The following DENND4A variants were observed in gnomAD, a reference collection of about 807,000 sequenced individuals.
DENND4A encodes the protein C-myc promoter-binding protein.
DENND4A carries 70 observed loss-of-function variants against 199.3 expected under a neutral mutation model. The ratio of observed to expected loss-of-function variants is 0.35; its 90% CI spans 0.29 to 0.43. The LOEUF (loss-of-function observed/expected upper bound fraction) is 0.43. DENND4A is among the 20% of genes least tolerant of loss of function. The pLI, the probability that DENND4A is intolerant of heterozygous loss-of-function variation, is 1.00. For missense variants in DENND4A, 1,723 were observed against 2,255.8 expected (o/e 0.76, Z 4.78); for synonymous variants, 686 against 766.9 (o/e 0.89, Z 1.74).
At chr15:65,791,304 C>T (rs543438934) in intron 1 of DENND4A, among the ~76,000 whole-genome samples, 1 of 152,358 alleles carries the variant, frequency 6.6e-6, no homozygotes, top group East Asian at 1.9e-4. Flanking sequence ...TCTTCCAGCA[C>T]ATCTGTCATT....
rs1026882032 is a variant in DENND4A, at chr15:65,734,492, T to G, written c.1041-1674A>C. ...GAGGCTGGCGGGATCCTCCATATGC[T>G]GAACGCTGGTTCCCCGGGTCCCCTT... is the stretch of plus-strand genomic sequence containing the variant. On this transcript the variant is annotated intron_variant, in intron 7 of 32. Transcript: ENST00000443035. Among the ~76,000 whole-genome samples the G allele has an allele frequency of 7.2e-5, 11 of 152,320 alleles. No homozygotes were observed. In the East Asian group the frequency reaches 2.1e-3, roughly 29 times the overall value.
intron 23 of DENND4A, among the ~76,000 whole-genome samples, chr15:65,690,028 A>G (rs2076918769): frequency 6.6e-6 from 1 of 152,182 alleles, no homozygotes; most frequent in Non-Finnish European, 1.5e-5. Context: ...ATGTAAGTCT[A>G]TCGTAAGTTA....
At chr15:65,780,081 C>A (rs1055493245) in intron 1 of DENND4A, among the ~76,000 whole-genome samples, 1 of 152,110 alleles carries the variant, frequency 6.6e-6, no homozygotes, top group African/African-American at 2.4e-5. Context: ...TAACTGTTTA[C>A]AATAATGGAA....
intron 1 of DENND4A, among the ~76,000 whole-genome samples, chr15:65,783,535 T>C (rs2077488814): frequency 6.6e-6 from 1 of 152,278 alleles, no homozygotes; most frequent in South Asian, 2.1e-4. Context: ...ATGAGCACAC[T>C]GAGTAACCAG....
intron 11 of DENND4A, among the ~76,000 whole-genome samples, chr15:65,728,169 A>C (rs2075860623): frequency 6.6e-6 from 1 of 151,714 alleles, no homozygotes; most frequent in South Asian, 2.1e-4. Context: ...CGTCCAGCTA[A>C]TTTTTGAATT....
At chr15:65,736,969 T>TG (rs1192922935) in intron 7 of DENND4A, among the ~76,000 whole-genome samples, 2 of 152,226 alleles carry the variant, frequency 1.3e-5, no homozygotes, top group Non-Finnish European at 2.9e-5. Flanking sequence ...TAAAATAAAT[T>TG]GATCTGGCGA....
Position 65,671,484 on chromosome 15 carries a change from G to A in DENND4A, c.4464+308C>T, listed in dbSNP as rs187407395. Among the ~76,000 whole-genome samples the A allele has an allele frequency of 4.6e-5, 7 of 152,272 alleles. No homozygotes were observed. The East Asian group carries it at 1.3e-3, about 29-fold the overall frequency. ...GGCTCACTGCAATCTCTGCCTCCCAGGTTTAAGTAATTCTCCTGCCTCAGC... is the reference window on the plus strand; with the variant it reads ...GGCTCACTGCAATCTCTGCCTCCCAAGTTTAAGTAATTCTCCTGCCTCAGC... On this transcript the variant is annotated intron_variant, in intron 25 of 32. Transcript: ENST00000443035.
intron 4 of DENND4A, among the ~76,000 whole-genome samples, chr15:65,752,127 C>CGGG (rs11430669): frequency 3.9e-5 from 2 of 50,848 alleles, no homozygotes; most frequent in Non-Finnish European, 7.6e-5. Context: ...TTGTAGTGGG[C>CGGG]GGGGGGGGTG....
chr15:65,781,323 A>G (rs555740603), intron 1 of DENND4A, among the ~76,000 whole-genome samples: 2 of 152,266 alleles, frequency 1.3e-5, no homozygotes, highest in East Asian at 3.9e-4. Flanking sequence ...GACAATGGGG[A>G]GTCAGTAAAG....
At chr15:65,678,435 G>A (rs774788399) in intron 23 of DENND4A, among the ~76,000 whole-genome samples, 25 of 152,094 alleles carry the variant, frequency 1.6e-4, no homozygotes, top group Non-Finnish European at 2.8e-4. Flanking sequence ...ATGTCCTTCA[G>A]TAAAGTATTA....
chr15:65,707,461 TAAAG>T (rs1162323456), intron 14 of DENND4A, among the ~76,000 whole-genome samples: 1 of 152,038 alleles, frequency 6.6e-6, no homozygotes, highest in African/African-American at 2.4e-5. Flanking sequence ...TTCTAACACT[TAAAG>T]GAACCAATAC....
At chr15:65,780,397 A>G (rs2077407258) in intron 1 of DENND4A, among the ~76,000 whole-genome samples, 1 of 152,232 alleles carries the variant, frequency 6.6e-6, no homozygotes, top group Non-Finnish European at 1.5e-5. Flanking sequence ...AGTGCTATTA[A>G]TAAGAAAAGT....
At position 65,661,640 on chromosome 15, in the gene DENND4A, GA is replaced by G; in HGVS notation, c.*210del. ...TTCCTATTACAGGGGAGTTAAAGAA[GA>G]AGAAAAAAGAAATGAGAAACAAAGT... On this transcript the variant is annotated 3_prime_UTR_variant, in exon 33 of 33. Coordinates refer to ENST00000443035, the MANE Select transcript of DENND4A (RefSeq NM_001320835.1). 1 of 387,886 alleles carries G rather than the reference GA, an allele frequency of 2.6e-6. No individual in the cohort carries two copies. The highest frequency in any genetic ancestry group is 1.0e-4 in the South Asian group (1 of 9,728). The allele number at this position is 387,886 out of a possible 1,614,324, so 24.0% of individuals were successfully genotyped here.
At chr15:65,697,481 A>C (rs772035921) in intron 20 of DENND4A, 98 bp from the exon 21 acceptor site, 25 of 745,622 alleles carry the variant, frequency 3.4e-5, no homozygotes, top group Non-Finnish European at 5.0e-5. Context: ...TTTCCTTATA[A>C]ATTTTTTTCT....
intron 2 of DENND4A, among the ~76,000 whole-genome samples, chr15:65,760,622 C>T (rs530200468): frequency 1.3e-5 from 2 of 152,264 alleles, no homozygotes; most frequent in East Asian, 3.9e-4. Context: ...GGCAGAGTGG[C>T]TCATGCCTAT....
chr15:65,752,681 T>A, intron 3 of DENND4A, 53 bp from the exon 4 acceptor site: 1 of 1,201,578 alleles, frequency 8.3e-7, no homozygotes, highest in Non-Finnish European at 1.1e-6. Context: ...ATATGAAAAG[T>A]AATATTCTCA....
At position 65,706,132 on chromosome 15, in the gene DENND4A, G is replaced by A. The variant is rs772479602; in HGVS notation, c.2046C>T (p.Ile682=). The part of the protein sequence containing the change: ...EHTVFVTPPE[I]PHLPNGEEPP... Reference sequence around the variant, plus strand: ...GTTCTTCACCATTGGGTAGGTGGGGGATCTCAGGTGGTGTTACAAAAACAG... The same window carrying A: ...GTTCTTCACCATTGGGTAGGTGGGGAATCTCAGGTGGTGTTACAAAAACAG... Residue 682 remains isoleucine (I), a synonymous_variant, in exon 15 of 33, where the codon ATC becomes ATT. Transcript: ENST00000443035. The A allele has an allele frequency of 1.9e-6, 3 of 1,607,052 alleles. No individual in the cohort carries two copies. Among genetic ancestry groups the A allele is most frequent in the Admixed American group, 1.7e-5 (1 of 59,032 alleles).
intron 1 of DENND4A, among the ~76,000 whole-genome samples, chr15:65,790,902 C>A (rs1458986180): frequency 2.0e-5 from 3 of 152,090 alleles, no homozygotes; most frequent in South Asian, 4.1e-4. Flanking sequence ...ATTAGCGTAA[C>A]CGGGGCTACG....
rs756923622 is a variant in DENND4A, at chr15:65,697,388, T to C, written c.2834-5A>G. 1 of 1,563,672 alleles carries C rather than the reference T, an allele frequency of 6.4e-7. No individual in the cohort carries two copies. The highest frequency in any genetic ancestry group is 8.7e-7 in the Non-Finnish European group (1 of 1,144,898). ...ATCCAAGATCAGACTGGCCACCTGG[T>C]AAAAACAAAAATAAACAAAACTCTA... On this transcript the variant is annotated splice_region_variant and splice_polypyrimidine_tract_variant and intron_variant, in intron 20 of 32. Transcript: ENST00000443035.
Sources: allele counts gnomAD v4.1 joint callset (sites outside exome capture counted in the v4.1 genomes callset), GRCh38; gene constraint gnomAD v4.1.1; transcripts MANE v1.5; gene names NCBI Gene and HGNC (gene_info 2026-07-23, HGNC 2026-07-21).